The following KCND3 variants were observed in gnomAD, a reference collection of about 807,000 sequenced individuals.
KCND3 encodes potassium voltage-gated channel subfamily D member 3, also known as A-type voltage-gated potassium channel KCND3.
In KCND3, 9 loss-of-function variants were observed where a neutral mutation model predicts 51.1. That is an observed-to-expected ratio of 0.18 (90% CI 0.11 to 0.31). KCND3 has a LOEUF of 0.31. KCND3 is among the 10% of genes least tolerant of loss of function. KCND3 has a pLI of 1.00. For missense variants in KCND3, 526 were observed against 903.8 expected (o/e 0.58, Z 5.36); for synonymous variants, 349 against 368.0 (o/e 0.95, Z 0.59).
chr1:111,895,553 T>C (rs1670065359), intron 2 of KCND3, among the ~76,000 whole-genome samples: 1 of 152,214 alleles, frequency 6.6e-6, no homozygotes, highest in Admixed American at 6.5e-5. Context: ...CATTTTCTCG[T>C]CCCCGGGGAG....
intron 2 of KCND3, among the ~76,000 whole-genome samples, chr1:111,865,094 G>A (rs1668498748): frequency 6.6e-6 from 1 of 152,130 alleles, no homozygotes; most frequent in African/African-American, 2.4e-5. Flanking sequence ...GAATGCTAAG[G>A]CCCCACTATC....
In KCND3 at chr1:111,780,668, C is replaced by G; in HGVS notation, c.1371+22G>C. Reference sequence around the variant, plus strand: ...CCATCTACCCCTTTATGTTCCCTAGCCCAGGTCCTCTAGGCACCTACCGTC... The same window carrying G: ...CCATCTACCCCTTTATGTTCCCTAGGCCAGGTCCTCTAGGCACCTACCGTC... On this transcript the variant is annotated intron_variant, in intron 4 of 7. Transcript: ENST00000302127. The surrounding 1 kb of genome is among the most constrained non-coding windows in gnomAD (Gnocchi z 4.2). 6.3e-7 allele frequency: 1 copy of G among 1,587,808 alleles called. No homozygotes were observed.
intron 2 of KCND3, among the ~76,000 whole-genome samples, chr1:111,852,001 A>G (rs1667839042): frequency 6.6e-6 from 1 of 152,162 alleles, no homozygotes; most frequent in South Asian, 2.1e-4. Context: ...ATCAATCTCT[A>G]CAGCTGCCAC....
rs192763242 is a variant in KCND3 at position 111,978,779 on chromosome 1, A to G, written c.1106+2842T>C. Among the ~76,000 whole-genome samples the G allele has an allele frequency of 2.0e-3, 301 of 152,316 alleles. 2 individuals are homozygous for G. Among genetic ancestry groups the G allele is most frequent in the African/African-American group, 7.0e-3 (290 of 41,566 alleles). The stretch of plus-strand genomic sequence containing the variant: ...CCTTCTAGAGAGGACAAGTAGGTCT[A>G]GAAGGGACTGAGAATAGTATCAGGT... On this transcript the variant is annotated intron_variant, in intron 2 of 7. Coordinates refer to ENST00000302127, the MANE Select transcript of KCND3 (RefSeq NM_001378969.1).
Position 111,946,555 on chromosome 1 carries a change from G to T in KCND3, c.1106+35066C>A, listed in dbSNP as rs151063909. Among the ~76,000 whole-genome samples, 281 of 152,258 alleles carry T rather than the reference G, an allele frequency of 1.8e-3. 1 individual carries two copies. The highest frequency in any genetic ancestry group is 6.3e-3 in the African/African-American group (262 of 41,550). ...AGCCTCCAGCCCCAGGGCCTGCCAG[G>T]ATCACTCCCAAGTCTCCAGACCCCC... On this transcript the variant is annotated intron_variant, in intron 2 of 7. Transcript: ENST00000302127.
intron 2 of KCND3, among the ~76,000 whole-genome samples, chr1:111,919,116 T>G (rs1413016570): frequency 3.3e-5 from 5 of 151,204 alleles, no homozygotes; most frequent in Non-Finnish European, 7.4e-5. Context: ...ATGTCTTGAG[T>G]ACCTACTATG....
chr1:111,799,306 G>A lies in KCND3; in HGVS notation c.1107-12200C>T, dbSNP rs539700570. 3.3e-5 allele frequency among the ~76,000 whole-genome samples: 5 copies of A among 152,164 alleles called. No homozygotes were observed. In the South Asian group the frequency reaches 8.3e-4, roughly 25 times the overall value. Reference sequence around the variant, plus strand: ...TTCAGGTACTAGAATTGATAGATACGGAACAGTCATGTATGAAATGTTTTC... The same window carrying A: ...TTCAGGTACTAGAATTGATAGATACAGAACAGTCATGTATGAAATGTTTTC... On this transcript the variant is annotated intron_variant, in intron 2 of 7. Coordinates refer to ENST00000302127, the MANE Select transcript of KCND3 (RefSeq NM_001378969.1).
intron 2 of KCND3, among the ~76,000 whole-genome samples, chr1:111,937,315 C>T (rs1245843508): frequency 2.6e-5 from 4 of 152,106 alleles, no homozygotes; most frequent in Non-Finnish European, 4.4e-5. Context: ...ACCTCTCTGG[C>T]CACCCCAGGC....
chr1:111,896,622 T>A (rs1363471704), intron 2 of KCND3, among the ~76,000 whole-genome samples: 1 of 152,200 alleles, frequency 6.6e-6, no homozygotes, highest in East Asian at 1.9e-4. Context: ...AAAATGGGAA[T>A]GTTGAGATCC....
intron 2 of KCND3, among the ~76,000 whole-genome samples, chr1:111,825,035 A>G (rs1666514037): frequency 6.6e-6 from 1 of 152,198 alleles, no homozygotes; most frequent in African/African-American, 2.4e-5. Flanking sequence ...AGTGTTAAAG[A>G]TATCCTAGCA....
intron 2 of KCND3, among the ~76,000 whole-genome samples, chr1:111,865,537 T>C (rs1223960480): frequency 1.3e-5 from 2 of 152,172 alleles, no homozygotes; most frequent in Non-Finnish European, 2.9e-5. Context: ...CTGGGAAGTT[T>C]TTTGTGTTTC....
chr1:111,795,272 G>A (rs1000881184), intron 2 of KCND3, among the ~76,000 whole-genome samples: 2 of 152,174 alleles, frequency 1.3e-5, no homozygotes, highest in African/African-American at 4.8e-5. Context: ...CCCCAGCAGT[G>A]AGCCAGGAAC....
chr1:111,836,944 C>T (rs1262806308), intron 2 of KCND3, among the ~76,000 whole-genome samples: 2 of 152,182 alleles, frequency 1.3e-5, no homozygotes, highest in African/African-American at 2.4e-5. Context: ...GTAAGAGTGT[C>T]TTGTACTTTT....
intron 2 of KCND3, among the ~76,000 whole-genome samples, chr1:111,950,684 A>G (rs1222009266): frequency 6.6e-6 from 1 of 152,202 alleles, no homozygotes; most frequent in Non-Finnish European, 1.5e-5. Flanking sequence ...TAGGCAGGAA[A>G]GGAGGAGGGC....
At chr1:111,807,293 C>T (rs999664574) in intron 2 of KCND3, among the ~76,000 whole-genome samples, 7 of 152,176 alleles carry the variant, frequency 4.6e-5, no homozygotes, top group Non-Finnish European at 7.3e-5. Flanking sequence ...ATTGTGGTAT[C>T]GTATTTTTAC....
At chr1:111,951,688 G>A (rs1042758047) in intron 2 of KCND3, among the ~76,000 whole-genome samples, 2 of 152,196 alleles carry the variant, frequency 1.3e-5, no homozygotes, top group African/African-American at 4.8e-5. Flanking sequence ...AGTAAGGAGG[G>A]ACAGACAATA....
intron 2 of KCND3, among the ~76,000 whole-genome samples, chr1:111,797,159 A>G (rs775370404): frequency 3.9e-5 from 6 of 152,354 alleles, no homozygotes; most frequent in Non-Finnish European, 7.4e-5. Flanking sequence ...GAGAATCTGC[A>G]TTCTAAGTTC....
At chr1:111,779,294 C>T (rs1664267546) in intron 5 of KCND3, among the ~76,000 whole-genome samples, 1 of 152,068 alleles carries the variant, frequency 6.6e-6, no homozygotes, top group African/African-American at 2.4e-5. Flanking sequence ...GATCCTGTCC[C>T]TGCAGCCCCA....
intron 2 of KCND3, among the ~76,000 whole-genome samples, chr1:111,917,920 C>T (rs1671298473): frequency 1.3e-5 from 2 of 152,204 alleles, no homozygotes; most frequent in Admixed American, 1.3e-4. Flanking sequence ...GTCCAGAACA[C>T]AAGTGCACCT....
Sources: gnomAD v4.1 joint callset for allele counts (sites outside exome capture counted in the v4.1 genomes callset) on GRCh38, gnomAD v4.1.1 for gene constraint, Gnocchi (gnomAD v3.1) non-coding constraint, MANE v1.5 for transcripts, NCBI Gene and HGNC (gene_info 2026-07-23, HGNC 2026-07-21) for gene names.